The following SDHAF3 variants were observed in gnomAD, a reference collection of about 807,000 sequenced individuals.
SDHAF3 encodes succinate dehydrogenase assembly factor 3, mitochondrial.
A neutral mutation model predicts 11.5 loss-of-function variants in SDHAF3; 18 were observed. That is an observed-to-expected ratio of 1.56 (90% CI 1.08 to 2.32). The LOEUF (loss-of-function observed/expected upper bound fraction) is 2.32, where lower values mean the gene tolerates loss of function less well. Ranked by LOEUF, SDHAF3 falls within the 30% of genes most tolerant of loss-of-function variation. The pLI is 0.00. For synonymous variants in SDHAF3, 72 were observed against 59.3 expected (o/e 1.21, Z -0.99); for missense variants, 200 against 154.4 (o/e 1.30, Z -1.57).
intron 1 of SDHAF3, chr7:97,136,589 G>A: frequency 2.2e-6 from 1 of 445,594 alleles, no homozygotes; most frequent in Non-Finnish European, 4.0e-6. Context: ...ACTATGTACA[G>A]TACGCTTCTA....
intron 1 of SDHAF3, among the ~76,000 whole-genome samples, chr7:97,124,332 GT>G (rs1584207238): frequency 6.6e-6 from 1 of 152,108 alleles, no homozygotes; most frequent in East Asian, 1.9e-4. Context: ...TGAGGCCTCT[GT>G]TTTGTTCTAT....
chr7:97,153,762 C>T (rs1789260983), intron 1 of SDHAF3, among the ~76,000 whole-genome samples: 1 of 152,108 alleles, frequency 6.6e-6, no homozygotes, highest in African/African-American at 2.4e-5. Flanking sequence ...GTAGCATATC[C>T]TTGCCAGCGT....
At chr7:97,179,161 T>G (rs1046900406) in intron 1 of SDHAF3, among the ~76,000 whole-genome samples, 1 of 152,192 alleles carries the variant, frequency 6.6e-6, no homozygotes, top group African/African-American at 2.4e-5. Flanking sequence ...ATGTAAGGAT[T>G]TACTTCTGGA....
At chr7:97,127,641 T>G (rs1156862915) in intron 1 of SDHAF3, among the ~76,000 whole-genome samples, 1 of 152,156 alleles carries the variant, frequency 6.6e-6, no homozygotes, top group African/African-American at 2.4e-5. Context: ...AATGTATGCT[T>G]CTCTTACCTA....
intron 1 of SDHAF3, among the ~76,000 whole-genome samples, chr7:97,168,429 A>G (rs1789547829): frequency 6.6e-6 from 1 of 152,168 alleles, no homozygotes; most frequent in Admixed American, 6.5e-5. Context: ...ATTGTGTTAT[A>G]TTTGTTTAAA....
At chr7:97,167,538 G>A (rs775111549) in intron 1 of SDHAF3, among the ~76,000 whole-genome samples, 1 of 152,148 alleles carries the variant, frequency 6.6e-6, no homozygotes, top group African/African-American at 2.4e-5. Context: ...ATCAAAACGG[G>A]AATTGCCATA....
intron 1 of SDHAF3, among the ~76,000 whole-genome samples, chr7:97,125,684 A>G (rs934230370): frequency 6.6e-6 from 1 of 152,066 alleles, no homozygotes; most frequent in Admixed American, 6.5e-5. Context: ...CATCTCCATC[A>G]GGTCATTTAT....
At chr7:97,173,117 A>C (rs1021430282) in intron 1 of SDHAF3, among the ~76,000 whole-genome samples, 1 of 152,232 alleles carries the variant, frequency 6.6e-6, no homozygotes, top group African/African-American at 2.4e-5. Context: ...ACCTGACAGG[A>C]GGTAGAGCTC....
chr7:97,143,012 G>A (rs1379050549), intron 1 of SDHAF3, among the ~76,000 whole-genome samples: 3 of 142,746 alleles, frequency 2.1e-5, no homozygotes, highest in African/African-American at 5.2e-5. Flanking sequence ...CGATTCTCCC[G>A]CCTCAACCTC....
chr7:97,127,981 A>G (rs1343717324), intron 1 of SDHAF3, among the ~76,000 whole-genome samples: 1 of 145,234 alleles, frequency 6.9e-6, no homozygotes, highest in African/African-American at 2.6e-5. Flanking sequence ...GCTCACTGCA[A>G]CCTCCTTCTC....
intron 1 of SDHAF3, among the ~76,000 whole-genome samples, chr7:97,144,423 C>A (rs1325434889): frequency 6.6e-6 from 1 of 152,118 alleles, no homozygotes; most frequent in Non-Finnish European, 1.5e-5. Context: ...CCAGTGTTAT[C>A]TTCTAGGATT....
rs1791433823 is a variant in SDHAF3, at chr7:97,117,968, C to A, written c.174+71C>A. On this transcript the variant is annotated intron_variant, in intron 1 of 1. Transcript: ENST00000432641. ...CGGTGTCCAGGTTTCTAGTTCCAGT[C>A]CCCCATGCGGGGTTAAACAGAGCAG... 74 of 1,561,024 alleles carry A rather than the reference C, an allele frequency of 4.7e-5. No individual in the cohort carries two copies. In the South Asian group the frequency reaches 8.8e-4, roughly 19 times the overall value.
At chr7:97,164,530 C>G (rs1209910992) in intron 1 of SDHAF3, among the ~76,000 whole-genome samples, 2 of 151,896 alleles carry the variant, frequency 1.3e-5, no homozygotes, top group Admixed American at 1.3e-4. Flanking sequence ...GTGTGCGCCA[C>G]AACACCCGGC....
At chr7:97,134,130 T>TA (rs761257922) in intron 1 of SDHAF3, among the ~76,000 whole-genome samples, 114 of 152,284 alleles carry the variant, frequency 7.5e-4, no homozygotes, top group Non-Finnish European at 1.5e-3. Context: ...CAGCAGATGA[T>TA]ACAGCAAACA....
At chr7:97,165,766 A>G (rs1196255320) in intron 1 of SDHAF3, among the ~76,000 whole-genome samples, 1 of 152,202 alleles carries the variant, frequency 6.6e-6, no homozygotes, top group Non-Finnish European at 1.5e-5. Flanking sequence ...TGTAAAACAG[A>G]ATTTGTCAGG....
rs141269630 is a variant in SDHAF3, at chr7:97,117,969, C to T, written c.174+72C>T. On this transcript the variant is annotated intron_variant, in intron 1 of 1. Coordinates refer to ENST00000432641, the MANE Select transcript of SDHAF3 (RefSeq NM_020186.3). ...GGTGTCCAGGTTTCTAGTTCCAGTC[C>T]CCCATGCGGGGTTAAACAGAGCAGC... 45 of 1,559,362 alleles carry T rather than the reference C, an allele frequency of 2.9e-5. No individual in the cohort carries two copies. The African/African-American group carries it at 6.1e-4, about 21-fold the overall frequency.
chr7:97,128,238 A>T (rs181751118), intron 1 of SDHAF3, among the ~76,000 whole-genome samples: 6 of 152,186 alleles, frequency 3.9e-5, no homozygotes, highest in South Asian at 2.1e-4. Context: ...ACAAGAGAAG[A>T]TACAAAACAG....
chr7:97,145,269 T>C (rs961172692), intron 1 of SDHAF3, among the ~76,000 whole-genome samples: 1 of 152,186 alleles, frequency 6.6e-6, no homozygotes, highest in Non-Finnish European at 1.5e-5. Context: ...AAGATACTTA[T>C]GTCTGGGAAG....
At chr7:97,157,940 A>G (rs1789329352) in intron 1 of SDHAF3, among the ~76,000 whole-genome samples, 1 of 136,554 alleles carries the variant, frequency 7.3e-6, no homozygotes, top group African/African-American at 2.7e-5. Context: ...CAGGAAGGGG[A>G]ACATCACACA....
Sources: gnomAD v4.1 joint callset for allele counts (sites outside exome capture counted in the v4.1 genomes callset) on GRCh38, gnomAD v4.1.1 for gene constraint, MANE v1.5 for transcripts, NCBI Gene and HGNC (gene_info 2026-07-23, HGNC 2026-07-21) for gene names.